WDR41: variants seen among roughly 807,000 people sequenced by gnomAD.
WDR41 encodes the protein WD repeat domain 41.
Under a neutral mutation model 69.3 loss-of-function variants are expected in WDR41, and 63 were observed. That is an observed-to-expected ratio of 0.91 (90% CI 0.74 to 1.12). WDR41 has a LOEUF of 1.12. Among genes scored for constraint, WDR41 ranks in the 50% most tolerant of loss-of-function variants. The pLI is 0.00. For missense variants in WDR41, 543 were observed against 534.5 expected (o/e 1.02, Z -0.16); for synonymous variants, 185 against 192.1 (o/e 0.96, Z 0.31).
intron 1 of WDR41, among the ~76,000 whole-genome samples, chr5:77,501,026 G>T (rs1178413239): frequency 1.3e-5 from 2 of 152,188 alleles, no homozygotes; most frequent in Admixed American, 6.5e-5. Flanking sequence ...GGACTGCTTG[G>T]ACAGTGGGCA....
chr5:77,536,680 T>G (rs186074878), intron 1 of WDR41, among the ~76,000 whole-genome samples: 61 of 152,318 alleles, frequency 4.0e-4, no homozygotes, highest in African/African-American at 1.4e-3. Flanking sequence ...TACTTACTAT[T>G]GGGTTACAAT....
At chr5:77,565,614 GAA>G (rs1743610875) in intron 1 of WDR41, among the ~76,000 whole-genome samples, 1 of 151,982 alleles carries the variant, frequency 6.6e-6, no homozygotes, top group South Asian at 2.1e-4. Flanking sequence ...ATTTAAAAGG[GAA>G]AAGACTCAAA....
chr5:77,462,669 A>G (rs1489283236), intron 4 of WDR41, among the ~76,000 whole-genome samples: 2 of 152,314 alleles, frequency 1.3e-5, no homozygotes, highest in East Asian at 3.9e-4. Context: ...CAGATGCTCC[A>G]AAGATTTTTA....
In WDR41 at chr5:77,468,534, T is replaced by A. The variant is rs186644544; in HGVS notation, c.168-3725A>T. On this transcript the variant is annotated intron_variant, in intron 2 of 12. Transcript: ENST00000296679. ...AAAAATAAATTGTTTTCACAATAAT[T>A]CTTATGTCCAATAGCTAAATGCTCA... 1.5e-3 allele frequency among the ~76,000 whole-genome samples: 234 copies of A among 152,306 alleles called. 3 individuals are homozygous for A. Among genetic ancestry groups the A allele is most frequent in the African/African-American group, 5.5e-3 (230 of 41,580 alleles).
chr5:77,484,745 A>T (rs144196906), intron 2 of WDR41, among the ~76,000 whole-genome samples: 1 of 152,304 alleles, frequency 6.6e-6, no homozygotes, highest in African/African-American at 2.4e-5. Flanking sequence ...CCAACTTACA[A>T]CTATGGAAGT....
Position 77,440,981 on chromosome 5 carries a change from G to C in WDR41, c.714C>G (p.Thr238=), listed in dbSNP as rs148112038. ...TGATCAGCTCTCCGACGTGGGAGCC[G>C]GTGACAAAACTCAAATCTAGGCAAA... ...LINVNDLSFV[T]GSHVGELIIW... Residue 238 remains threonine, a synonymous_variant, in exon 9 of 13, where the codon ACC becomes ACG. Coordinates refer to ENST00000296679, the MANE Select transcript of WDR41 (RefSeq NM_018268.4). The C allele has an allele frequency of 2.5e-6, 4 of 1,612,824 alleles. No homozygotes were observed. In the Admixed American group the frequency reaches 5.0e-5, roughly 20 times the overall value.
At chr5:77,615,113 A>G (rs1055483911) in intron 1 of WDR41, among the ~76,000 whole-genome samples, 4 of 152,132 alleles carry the variant, frequency 2.6e-5, no homozygotes, top group Non-Finnish European at 5.9e-5. Context: ...ATGTTCTAAA[A>G]CTGGATTATG....
chr5:77,437,362 T>C lies in WDR41; in HGVS notation c.1067A>G (p.Gln356Arg). The stretch of plus-strand genomic sequence containing the variant: ...TGTTGGTACAGGCTCAGCTGCAAGC[T>C]GCTGTTTTTCTCTTAACTCCCAAAT... ...VRIWELREKQQLAAEPVPTGF... is the reference protein window; with the variant it reads ...VRIWELREKQRLAAEPVPTGF... Residue 356 changes from glutamine (Q) to arginine (R), a missense_variant, in exon 11 of 13, where the codon CAG becomes CGG. Coordinates refer to ENST00000296679, the MANE Select transcript of WDR41 (RefSeq NM_018268.4). 3 of 1,613,968 alleles carry C rather than the reference T, an allele frequency of 1.9e-6. No individual in the cohort carries two copies. The highest frequency in any genetic ancestry group is 2.5e-6 in the Non-Finnish European group (3 of 1,179,886).
intron 1 of WDR41, among the ~76,000 whole-genome samples, chr5:77,560,529 T>C (rs1270194904): frequency 6.6e-6 from 1 of 152,128 alleles, no homozygotes; most frequent in African/African-American, 2.4e-5. Flanking sequence ...ACAGATGGGA[T>C]GCATTAAATG....
intron 8 of WDR41, 69 bp downstream of exon 8, chr5:77,449,691 C>A: frequency 1.0e-6 from 1 of 988,466 alleles, no homozygotes; most frequent in South Asian, 1.4e-5. Flanking sequence ...CTAAGCAAGG[C>A]TCGTGTTCAG....
intron 2 of WDR41, among the ~76,000 whole-genome samples, chr5:77,470,357 G>A (rs1236401159): frequency 2.0e-5 from 3 of 152,136 alleles, no homozygotes; most frequent in Admixed American, 1.3e-4. Context: ...AGGCTAGGAA[G>A]AAACTGCATC....
rs950517980 is a variant in WDR41, at chr5:77,433,067, T to A, written c.*68A>T. 6.8e-7 allele frequency: 1 copy of A among 1,470,862 alleles called. No individual in the cohort carries two copies. The highest frequency in any genetic ancestry group is 1.4e-5 in the African/African-American group (1 of 70,096). 91.1% of individuals were successfully genotyped at this position (1,470,862 alleles called of 1,614,324 possible). ...CCAATTTAAGTGATCAATATATTAA[T>A]GGTTTTCAGAGTAGTACCCGATATT... On this transcript the variant is annotated 3_prime_UTR_variant, in exon 13 of 13. Transcript: ENST00000296679.
At position 77,432,080 on chromosome 5, in the gene WDR41, T is replaced by TAAAAGAACTTATG. The variant is rs1176086565; in HGVS notation, c.*1042_*1054dup. 2.6e-5 allele frequency: 4 copies of TAAAAGAACTTATG among 152,184 alleles called. No individual in the cohort carries two copies. The highest frequency in any genetic ancestry group is 4.4e-5 in the Non-Finnish European group (3 of 68,030). The allele number at this position is 152,184 out of a possible 1,614,324, so 9.4% of individuals were successfully genotyped here. ...AAGCAACTGTCAAAGCTAAAACTAG[T>TAAAAGAACTTATG]AAAAGAACTTATGGAGATTCCCTTT... On this transcript the variant is annotated 3_prime_UTR_variant, in exon 13 of 13. Coordinates refer to ENST00000296679, the MANE Select transcript of WDR41 (RefSeq NM_018268.4).
intron 1 of WDR41, among the ~76,000 whole-genome samples, chr5:77,535,404 A>C (rs865909102): frequency 1.2e-4 from 18 of 152,318 alleles, no homozygotes; most frequent in Middle Eastern, 6.8e-3. Context: ...TTAAGGTAAC[A>C]ACAAAACTTT....
At chr5:77,548,065 T>C (rs1743229717) in intron 1 of WDR41, among the ~76,000 whole-genome samples, 1 of 152,180 alleles carries the variant, frequency 6.6e-6, no homozygotes, top group Non-Finnish European at 1.5e-5. Context: ...GATGCTGGGA[T>C]AATTGGCAAG....
chr5:77,448,594 G>C (rs1253127410), intron 8 of WDR41, among the ~76,000 whole-genome samples: 1 of 152,096 alleles, frequency 6.6e-6, no homozygotes, highest in Non-Finnish European at 1.5e-5. Flanking sequence ...AGCCGGCCGG[G>C]CTTGGTGGCT....
chr5:77,472,306 C>A (rs1308665192), intron 2 of WDR41, among the ~76,000 whole-genome samples: 1 of 152,120 alleles, frequency 6.6e-6, no homozygotes, highest in African/African-American at 2.4e-5. Flanking sequence ...GACAAACCCA[C>A]AGCCAATATC....
At chr5:77,475,579 C>T (rs1300903652) in intron 2 of WDR41, among the ~76,000 whole-genome samples, 1 of 151,928 alleles carries the variant, frequency 6.6e-6, no homozygotes, top group Admixed American at 6.6e-5. Context: ...CTCACACGGC[C>T]GGGTACTCCA....
chr5:77,534,227 G>A (rs1413753060), intron 1 of WDR41, among the ~76,000 whole-genome samples: 1 of 151,724 alleles, frequency 6.6e-6, no homozygotes, highest in Non-Finnish European at 1.5e-5. Context: ...ATTCTTTATG[G>A]ATCAGAATCT....
Sources: allele counts gnomAD v4.1 joint callset (sites outside exome capture counted in the v4.1 genomes callset), GRCh38; gene constraint gnomAD v4.1.1; transcripts MANE v1.5; gene names NCBI Gene and HGNC (gene_info 2026-07-23, HGNC 2026-07-21).